Variants in STX11 observed in about 807,000 individuals in gnomAD.
The protein encoded by STX11 is syntaxin 11, also known as syntaxin-11.
In STX11, 21 loss-of-function variants were observed where a neutral mutation model predicts 19.9. That is an observed-to-expected ratio of 1.06 (90% CI 0.75 to 1.52). STX11 has a LOEUF of 1.52. Ranked by LOEUF, STX11 falls within the 40% of genes most tolerant of loss-of-function variation. The pLI is 0.00. For missense variants in STX11, 438 were observed against 405.9 expected, an observed-to-expected ratio of 1.08 and a Z score of -0.68; for synonymous variants, 193 against 174.4, an observed-to-expected ratio of 1.11 and a Z score of -0.84.
At chr6:144,149,994 T>C (rs1800951571), upstream of STX11, among the ~76,000 whole-genome samples, 6 of 148,274 alleles carry the variant, frequency 4.0e-5, no homozygotes, top group South Asian at 2.1e-4. This position sits in a 1 kb window ranked among gnomAD's most constrained non-coding sequence, Gnocchi z 5.1. Context: ...CCGGCGGGTG[T>C]TGAGGCCGAC....
At position 144,187,417 on chromosome 6, in the gene STX11, C is replaced by T; in HGVS notation, c.790C>T (p.Arg264Trp). The part of the protein sequence containing the change: ...DYTGQAKAQV[R>W]KAVQYEEKNP... Reference sequence around the variant, plus strand: ...CACCGGCCAGGCCAAGGCGCAGGTGCGGAAGGCCGTGCAGTACGAGGAGAA... The same window carrying T: ...CACCGGCCAGGCCAAGGCGCAGGTGTGGAAGGCCGTGCAGTACGAGGAGAA... Residue 264 changes from arginine to tryptophan, a missense_variant, in exon 2 of 2, where the codon CGG (arginine) becomes TGG (tryptophan). Coordinates refer to ENST00000367568, the MANE Select transcript of STX11 (RefSeq NM_003764.4). This position sits in a 1 kb window ranked among gnomAD's most constrained non-coding sequence, Gnocchi z 5.6. 6.2e-7 allele frequency: 1 copy of T among 1,611,594 alleles called. No individual in the cohort carries two copies. The highest frequency in any genetic ancestry group is 8.5e-7 in the Non-Finnish European group (1 of 1,179,968).
chr6:144,145,197 A>G, the STX11 span, among the ~76,000 whole-genome samples: 1 of 152,252 alleles, frequency 6.6e-6, no homozygotes, highest in Non-Finnish European at 1.5e-5. Flanking sequence ...TATACATACA[A>G]TGAGTTATTA....
chr6:144,168,389 C>T (rs535124034), intron 1 of STX11, among the ~76,000 whole-genome samples: 8 of 152,308 alleles, frequency 5.3e-5, no homozygotes, highest in Admixed American at 3.3e-4. Context: ...TCTATAGGCA[C>T]TTTTTCTGCA....
chr6:144,140,722 A>G, the STX11 span: 1 of 984,880 alleles, frequency 1.0e-6, no homozygotes, highest in African/African-American at 1.7e-5. Context: ...CCAAAGGGAA[A>G]AGTAAGACAA....
At position 144,180,951 on chromosome 6, in the gene STX11, A is replaced by G. The variant is rs1801897824; in HGVS notation, c.-5-5672A>G. ...TTCATGTACCTGAGGGTGCCTCATC[A>G]TAGTAAGCTCAGTCTTCAATTTTAT... On this transcript the variant is annotated intron_variant, in intron 1 of 1. Coordinates refer to ENST00000367568, the MANE Select transcript of STX11 (RefSeq NM_003764.4). The surrounding 1 kb of genome is among the most constrained non-coding windows in gnomAD (Gnocchi z 5.3). 6.6e-6 allele frequency among the ~76,000 whole-genome samples: 1 copy of G among 152,238 alleles called. No homozygotes were observed. The highest frequency in any genetic ancestry group is 2.4e-5 in the African/African-American group (1 of 41,464).
rs1801358322 is a variant in STX11, at chr6:144,162,141, G to A, written c.-6+11438G>A. The stretch of plus-strand genomic sequence containing the variant: ...ACTCTTCTGCCAGGGTGGAACAGAG[G>A]ATGGAGGGCCCTCCCACTTCTTTAA... On this transcript the variant is annotated intron_variant, in intron 1 of 1. Transcript: ENST00000367568. This position sits in a 1 kb window ranked among gnomAD's most constrained non-coding sequence, Gnocchi z 4.6. Among the ~76,000 whole-genome samples the A allele has an allele frequency of 6.6e-6, 1 of 152,168 alleles. No individual in the cohort carries two copies. Among genetic ancestry groups the A allele is most frequent in the Non-Finnish European group, 1.5e-5 (1 of 68,036 alleles).
chr6:144,148,868 T>C (rs535282509), upstream of STX11, among the ~76,000 whole-genome samples: 3 of 152,372 alleles, frequency 2.0e-5, no homozygotes, highest in East Asian at 3.9e-4. Context: ...GTGTACGGAT[T>C]ACAGGCGTGA....
At position 144,160,970 on chromosome 6, in the gene STX11, G is replaced by A. The variant is rs1801320041; in HGVS notation, c.-6+10267G>A. On this transcript the variant is annotated intron_variant, in intron 1 of 1. Transcript: ENST00000367568. This position sits in a 1 kb window ranked among gnomAD's most constrained non-coding sequence, Gnocchi z 4.3. Reference sequence around the variant, plus strand: ...AACTTGATTCATGTTCTCATTTTTTGTCTTGCTTTTACCATAAATATTATA... The same window carrying A: ...AACTTGATTCATGTTCTCATTTTTTATCTTGCTTTTACCATAAATATTATA... 6.6e-6 allele frequency among the ~76,000 whole-genome samples: 1 copy of A among 151,938 alleles called. No homozygotes were observed. Among genetic ancestry groups the A allele is most frequent in the African/African-American group, 2.4e-5 (1 of 41,356 alleles).
At position 144,154,180 on chromosome 6, in the gene STX11, G is replaced by A. The variant is rs377239615; in HGVS notation, c.-6+3477G>A. On this transcript the variant is annotated intron_variant, in intron 1 of 1. Coordinates refer to ENST00000367568, the MANE Select transcript of STX11 (RefSeq NM_003764.4). This position sits in a 1 kb window ranked among gnomAD's most constrained non-coding sequence, Gnocchi z 4.7. ...CAGAGCTTGCATTCTGAAGCACCCT[G>A]CTGTGATGTGCTGTCTTGATGAATG... is the stretch of plus-strand genomic sequence containing the variant. Among the ~76,000 whole-genome samples, 1 of 152,202 alleles carries A rather than the reference G, an allele frequency of 6.6e-6. No homozygotes were observed. Among genetic ancestry groups the A allele is most frequent in the Admixed American group, 6.5e-5 (1 of 15,288 alleles).
chr6:144,153,263 C>T lies in STX11; in HGVS notation c.-6+2560C>T, dbSNP rs1488922855. 2.0e-5 allele frequency among the ~76,000 whole-genome samples: 3 copies of T among 152,154 alleles called. No individual in the cohort carries two copies. Among genetic ancestry groups the T allele is most frequent in the Non-Finnish European group, 2.9e-5 (2 of 68,034 alleles). ...ACTTTTTCTATGAGAAAGAAAGGGT[C>T]GAGTTTGTCATTCAGCATTGTACTC... On this transcript the variant is annotated intron_variant, in intron 1 of 1. Transcript: ENST00000367568. This position sits in a 1 kb window ranked among gnomAD's most constrained non-coding sequence, Gnocchi z 5.0.
At chr6:144,145,802 G>A (rs921225565), upstream of STX11, among the ~76,000 whole-genome samples, 5 of 152,158 alleles carry the variant, frequency 3.3e-5, no homozygotes, top group African/African-American at 9.7e-5. Context: ...AGGGTGAGAG[G>A]GAGGAGAGAC....
upstream of STX11, among the ~76,000 whole-genome samples, chr6:144,146,597 C>T (rs1232360821): frequency 6.6e-6 from 1 of 152,166 alleles, no homozygotes; most frequent in Non-Finnish European, 1.5e-5. This position sits in a 1 kb window ranked among gnomAD's most constrained non-coding sequence, Gnocchi z 4.4. Context: ...CAGGCCTGAG[C>T]CACGGCGTCC....
Position 144,183,096 on chromosome 6 carries a change from G to A in STX11, c.-5-3527G>A, listed in dbSNP as rs530640300. 2.0e-5 allele frequency among the ~76,000 whole-genome samples: 3 copies of A among 152,306 alleles called. No individual in the cohort carries two copies. The highest frequency in any genetic ancestry group is 6.5e-5 in the Admixed American group (1 of 15,304). On this transcript the variant is annotated intron_variant, in intron 1 of 1. Transcript: ENST00000367568. This position sits in a 1 kb window ranked among gnomAD's most constrained non-coding sequence, Gnocchi z 4.6. ...TATGGGGGTTTTTAAATTATGAAAT[G>A]TGTGTGGACATTATAAAAATTTTGG...
In STX11 at chr6:144,183,315, C is replaced by G. The variant is rs1415297887; in HGVS notation, c.-5-3308C>G. Among the ~76,000 whole-genome samples the G allele has an allele frequency of 6.6e-6, 1 of 152,328 alleles. No homozygotes were observed. Among genetic ancestry groups the G allele is most frequent in the East Asian group, 1.9e-4 (1 of 5,192 alleles). On this transcript the variant is annotated intron_variant, in intron 1 of 1. Transcript: ENST00000367568. The surrounding 1 kb of genome is among the most constrained non-coding windows in gnomAD (Gnocchi z 4.6). The stretch of plus-strand genomic sequence containing the variant: ...TCATGCCATTAGATAGCCTTCTAAA[C>G]TCTGTGACTTATGTAGAAGCCAGGA...
rs111768792 is a variant in STX11 at position 144,152,820 on chromosome 6, G to C, written c.-6+2117G>C. 1.1e-4 allele frequency among the ~76,000 whole-genome samples: 17 copies of C among 152,294 alleles called. No homozygotes were observed. Among genetic ancestry groups the C allele is most frequent in the African/African-American group, 3.6e-4 (15 of 41,554 alleles). ...GGCTAATTTTTGTATTTTTAGTAGG[G>C]ACAAGGTTCGGCCCTGTTGGCCAGG... is the stretch of plus-strand genomic sequence containing the variant. On this transcript the variant is annotated intron_variant, in intron 1 of 1. Coordinates refer to ENST00000367568, the MANE Select transcript of STX11 (RefSeq NM_003764.4). The surrounding 1 kb of genome is among the most constrained non-coding windows in gnomAD (Gnocchi z 4.9).
At chr6:144,149,941 GCA>G (rs1800950063), upstream of STX11, among the ~76,000 whole-genome samples, 1 of 152,056 alleles carries the variant, frequency 6.6e-6, no homozygotes, top group African/African-American at 2.4e-5. This position sits in a 1 kb window ranked among gnomAD's most constrained non-coding sequence, Gnocchi z 5.1. Context: ...AGCGCGGTGG[GCA>G]CACAAGGGGA....
the STX11 span, among the ~76,000 whole-genome samples, chr6:144,140,019 A>T: frequency 6.6e-6 from 1 of 151,256 alleles, no homozygotes; most frequent in Admixed American, 6.6e-5. Flanking sequence ...CCTACCAAAG[A>T]TCACTCCTCA....
rs1802190240 is a variant in STX11 at position 144,190,608 on chromosome 6, G to T, written c.*3117G>T. On this transcript the variant is annotated 3_prime_UTR_variant, in exon 2 of 2. Transcript: ENST00000367568. ...CTTTTTTTTTTTTGACAGTCATAAAGATGTTTTCACTATGGCATTTCTATC... is the reference window on the plus strand; with the variant it reads ...CTTTTTTTTTTTTGACAGTCATAAATATGTTTTCACTATGGCATTTCTATC... Among the ~76,000 whole-genome samples, 1 of 150,718 alleles carries T rather than the reference G, an allele frequency of 6.6e-6. No homozygotes were observed. The highest frequency in any genetic ancestry group is 2.4e-5 in the African/African-American group (1 of 40,868).
Position 144,172,427 on chromosome 6 carries a change from A to G in STX11, c.-5-14196A>G, listed in dbSNP as rs567956899. On this transcript the variant is annotated intron_variant, in intron 1 of 1. Coordinates refer to ENST00000367568, the MANE Select transcript of STX11 (RefSeq NM_003764.4). The surrounding 1 kb of genome is among the most constrained non-coding windows in gnomAD (Gnocchi z 4.2). ...GTGTTCCCAGAGCAGATAAGCCCCAAGGTGCTAGTGCTGTTGAAGCCTCTG... is the reference window on the plus strand; with the variant it reads ...GTGTTCCCAGAGCAGATAAGCCCCAGGGTGCTAGTGCTGTTGAAGCCTCTG... 3.5e-4 allele frequency among the ~76,000 whole-genome samples: 54 copies of G among 152,278 alleles called. No individual in the cohort carries two copies. The highest frequency in any genetic ancestry group is 1.3e-3 in the African/African-American group (52 of 41,546).
Sources: allele counts gnomAD v4.1 joint callset (sites outside exome capture counted in the v4.1 genomes callset), GRCh38; gene constraint gnomAD v4.1.1; non-coding constraint Gnocchi (gnomAD v3.1); transcripts MANE v1.5; gene names NCBI Gene and HGNC (gene_info 2026-07-23, HGNC 2026-07-21).